The following RPS6KC1 variants were observed in gnomAD, a reference collection of about 807,000 sequenced individuals.
The protein encoded by RPS6KC1 is ribosomal protein S6 kinase C1.
A neutral mutation model predicts 103.8 loss-of-function variants in RPS6KC1; 54 were observed. The ratio of observed to expected loss-of-function variants is 0.52; its 90% CI spans 0.42 to 0.65. RPS6KC1 has a LOEUF of 0.65. Ranked by LOEUF, RPS6KC1 falls within the 30% of genes least tolerant of loss-of-function variation. The probability of loss-of-function intolerance (pLI) is 0.00; values close to 1 mark genes in which losing one functional copy is unlikely to be tolerated. For missense variants in RPS6KC1, 1,151 were observed against 1,253.8 expected (o/e 0.92, Z 1.24); for synonymous variants, 439 against 438.7 (o/e 1.00, Z -0.01).
chr1:213,520,476 T>C, the RPS6KC1 span, among the ~76,000 whole-genome samples: 3 of 152,050 alleles, frequency 2.0e-5, no homozygotes, highest in Non-Finnish European at 4.4e-5. Flanking sequence ...CAAGATGAGA[T>C]TTGGGCGGGG....
chr1:213,577,703 G>T, the RPS6KC1 span, among the ~76,000 whole-genome samples: 1 of 152,202 alleles, frequency 6.6e-6, no homozygotes, highest in Non-Finnish European at 1.5e-5. Flanking sequence ...AGATGATTTA[G>T]GGTATCTGGT....
chr1:213,113,819 C>A (rs1247895642), intron 4 of RPS6KC1, among the ~76,000 whole-genome samples: 2 of 152,114 alleles, frequency 1.3e-5, no homozygotes, highest in Non-Finnish European at 2.9e-5. Flanking sequence ...AATAGGGAAT[C>A]CTTTCCCCGT....
chr1:213,307,773 C>T, the RPS6KC1 span, among the ~76,000 whole-genome samples: 4 of 152,110 alleles, frequency 2.6e-5, no homozygotes, highest in African/African-American at 4.8e-5. Flanking sequence ...CAGTGAAACT[C>T]AAGTGGAATG....
At chr1:213,103,254 G>A (rs2082169664) in intron 3 of RPS6KC1, among the ~76,000 whole-genome samples, 1 of 151,688 alleles carries the variant, frequency 6.6e-6, no homozygotes, top group East Asian at 1.9e-4. Context: ...ATTTTGACAT[G>A]GCTTTTAAAA....
At chr1:213,710,614 G>A in the RPS6KC1 span, among the ~76,000 whole-genome samples, 1 of 152,124 alleles carries the variant, frequency 6.6e-6, no homozygotes. Context: ...TAGTGTCAAT[G>A]GTCTTTACAT....
chr1:213,805,862 A>C, the RPS6KC1 span, among the ~76,000 whole-genome samples: 1 of 152,392 alleles, frequency 6.6e-6, no homozygotes, highest in Non-Finnish European at 1.5e-5. Context: ...AGTCAAAATT[A>C]CACCTTGATT....
At chr1:213,193,853 C>T (rs1391755717) in intron 8 of RPS6KC1, among the ~76,000 whole-genome samples, 2 of 151,984 alleles carry the variant, frequency 1.3e-5, no homozygotes, top group East Asian at 1.9e-4. Flanking sequence ...GTCTCAAACT[C>T]CTGGATTCAA....
the RPS6KC1 span, among the ~76,000 whole-genome samples, chr1:213,666,883 C>G: frequency 0.68 from 102,988 of 152,176 alleles, 36,710 homozygotes; most frequent in South Asian, 0.8. Context: ...CGTATGTTGC[C>G]GGGAGAGGCA....
the RPS6KC1 span, among the ~76,000 whole-genome samples, chr1:213,592,499 T>A: frequency 6.6e-6 from 1 of 152,192 alleles, no homozygotes; most frequent in African/African-American, 2.4e-5. Flanking sequence ...AGCTGAGTAC[T>A]TTTGCCCTTT....
At chr1:213,544,473 C>T in the RPS6KC1 span, among the ~76,000 whole-genome samples, 670 of 152,272 alleles carry the variant, frequency 4.4e-3, 5 homozygotes, top group African/African-American at 0.015. Context: ...TCTCTGTTGC[C>T]ATTGCCAGCT....
chr1:213,850,688 A>G, the RPS6KC1 span, among the ~76,000 whole-genome samples: 2 of 152,138 alleles, frequency 1.3e-5, no homozygotes, highest in Non-Finnish European at 2.9e-5. Context: ...AAGGGGACAC[A>G]ATGACATTGA....
At position 213,252,556 on chromosome 1, in the gene RPS6KC1, A is replaced by G. The variant is rs563502487; in HGVS notation, c.2912-9002A>G. On this transcript the variant is annotated intron_variant, in intron 12 of 14. Coordinates refer to ENST00000366960, the MANE Select transcript of RPS6KC1 (RefSeq NM_012424.6). ...CATTGTGCTTAATTTTAAGGTTTGTAAGAATTTGCCTTTGTTCTTATGTTG... is the reference window on the plus strand; with the variant it reads ...CATTGTGCTTAATTTTAAGGTTTGTGAGAATTTGCCTTTGTTCTTATGTTG... Among the ~76,000 whole-genome samples, 16 of 152,302 alleles carry G rather than the reference A, an allele frequency of 1.1e-4. No homozygotes were observed. In the East Asian group the frequency reaches 3.1e-3, roughly 29 times the overall value.
the RPS6KC1 span, among the ~76,000 whole-genome samples, chr1:213,294,617 T>C: frequency 4.6e-5 from 7 of 152,132 alleles, no homozygotes; most frequent in Non-Finnish European, 1.0e-4. Flanking sequence ...CCTTGGATAA[T>C]GCCCATATTC....
At chr1:213,067,492 A>AAGCCTTACTCTTAATGTC (rs2078437876) in intron 1 of RPS6KC1, among the ~76,000 whole-genome samples, 1 of 152,142 alleles carries the variant, frequency 6.6e-6, no homozygotes, top group Non-Finnish European at 1.5e-5. Flanking sequence ...TTACATCACT[A>AAGCCTTACTCTTAATGTC]AACCATGACT....
the RPS6KC1 span, among the ~76,000 whole-genome samples, chr1:213,687,568 C>T: frequency 2.0e-5 from 3 of 152,104 alleles, no homozygotes; most frequent in Non-Finnish European, 2.9e-5. Flanking sequence ...CTATTTTCCT[C>T]TGCATTTCTA....
At position 213,137,291 on chromosome 1, in the gene RPS6KC1, C is replaced by T. The variant is rs1009394453; in HGVS notation, c.835+7402C>T. Among the ~76,000 whole-genome samples, 12 of 151,224 alleles carry T rather than the reference C, an allele frequency of 7.9e-5. No individual in the cohort carries two copies. In the South Asian group the frequency reaches 8.4e-4, roughly 11 times the overall value. On this transcript the variant is annotated intron_variant, in intron 6 of 14. Transcript: ENST00000366960. The stretch of plus-strand genomic sequence containing the variant: ...TCTCACTTTTTATTTTCTTCACTTT[C>T]GAGCCTATAAAGCCTGTTTTTTTTA...
chr1:213,243,844 C>T (rs2148962493), intron 12 of RPS6KC1, among the ~76,000 whole-genome samples: 1 of 152,176 alleles, frequency 6.6e-6, no homozygotes, highest in South Asian at 2.1e-4. Context: ...TTGATGCTAA[C>T]CTTGTTTCTC....
chr1:213,293,387 C>T, the RPS6KC1 span, among the ~76,000 whole-genome samples: 277 of 152,112 alleles, frequency 1.8e-3, no homozygotes, highest in Middle Eastern at 6.8e-3. Context: ...TTCTCTCTAC[C>T]CCCATTATAA....
chr1:213,347,344 A>G, the RPS6KC1 span, among the ~76,000 whole-genome samples: 1 of 152,238 alleles, frequency 6.6e-6, no homozygotes, highest in Non-Finnish European at 1.5e-5. Flanking sequence ...GCTTTATTTT[A>G]GAGGAGATTA....
Sources: allele counts gnomAD v4.1 joint callset (sites outside exome capture counted in the v4.1 genomes callset), GRCh38; gene constraint gnomAD v4.1.1; transcripts MANE v1.5; gene names NCBI Gene and HGNC (gene_info 2026-07-23, HGNC 2026-07-21).